THSD4: variants seen among roughly 807,000 people sequenced by gnomAD.
THSD4 encodes the protein thrombospondin type 1 domain containing 4.
Under a neutral mutation model 119.0 loss-of-function variants are expected in THSD4, and 69 were observed. The ratio of observed to expected loss-of-function variants is 0.58; its 90% CI spans 0.48 to 0.71. The LOEUF is 0.71. Ranked by LOEUF, THSD4 falls within the 30% of genes least tolerant of loss-of-function variation. The pLI is 0.00. For synonymous variants in THSD4, 524 were observed against 540.4 expected (o/e 0.97, Z 0.42); for missense variants, 1,393 against 1,391.1 (o/e 1.00, Z -0.02).
chr15:71,677,027 A>G (rs1027102996), intron 8 of THSD4, among the ~76,000 whole-genome samples: 5 of 152,238 alleles, frequency 3.3e-5, no homozygotes, highest in African/African-American at 1.2e-4. Context: ...AAACTGCCAA[A>G]CTGCTGTCTA....
intron 7 of THSD4, among the ~76,000 whole-genome samples, chr15:71,543,490 G>A (rs905077553): frequency 1.6e-4 from 25 of 152,276 alleles, no homozygotes; most frequent in Admixed American, 4.6e-4. Flanking sequence ...ACCCAATGAT[G>A]GTTTGGATGA....
intron 3 of THSD4, among the ~76,000 whole-genome samples, chr15:71,212,047 G>C (rs1401722550): frequency 1.3e-5 from 2 of 152,216 alleles, no homozygotes; most frequent in Non-Finnish European, 2.9e-5. Flanking sequence ...GGGTTGTCAG[G>C]AGGATCAGGA....
Position 71,728,341 on chromosome 15 carries a change from G to A in THSD4, c.1358-208G>A, listed in dbSNP as rs80297710. On this transcript the variant is annotated intron_variant, in intron 8 of 17. Coordinates refer to ENST00000261862, the MANE Select transcript of THSD4 (RefSeq NM_024817.3). ...CTATACTAAGTCCAAGTGATAGAAG[G>A]GATTAGGGTGGGTTGAAGCAGTGAT... Among the ~76,000 whole-genome samples the A allele has an allele frequency of 4.2e-3, 637 of 152,246 alleles. 4 individuals carry two copies. Among genetic ancestry groups the A allele is most frequent in the African/African-American group, 0.014 (601 of 41,540 alleles).
chr15:71,286,465 A>G (rs939486917), intron 6 of THSD4, among the ~76,000 whole-genome samples: 4 of 152,186 alleles, frequency 2.6e-5, no homozygotes, highest in African/African-American at 4.8e-5. Context: ...AGCTCCATCC[A>G]TGTCCCTGCA....
chr15:71,207,577 T>C (rs1473488518), intron 3 of THSD4, among the ~76,000 whole-genome samples: 1 of 152,198 alleles, frequency 6.6e-6, no homozygotes, highest in Non-Finnish European at 1.5e-5. Context: ...GGACCAGTAC[T>C]GGGCCGCAGC....
intron 1 of THSD4, among the ~76,000 whole-genome samples, chr15:71,119,534 G>A (rs2040391311): frequency 6.6e-6 from 1 of 152,208 alleles, no homozygotes; most frequent in Admixed American, 6.5e-5. Flanking sequence ...CCAAGGCCAG[G>A]AAGAGGGTCC....
chr15:71,147,233 C>T (rs2040671357), intron 2 of THSD4, among the ~76,000 whole-genome samples: 1 of 152,176 alleles, frequency 6.6e-6, no homozygotes, highest in Admixed American at 6.5e-5. Context: ...GAGACAGGGT[C>T]TCTCTCTGTT....
intron 7 of THSD4, among the ~76,000 whole-genome samples, chr15:71,574,201 T>G (rs1248366581): frequency 1.3e-5 from 2 of 152,170 alleles, no homozygotes; most frequent in African/African-American, 2.4e-5. Context: ...TAGAGAGTAA[T>G]GCATCCCTTC....
At chr15:71,671,328 G>A (rs2051523703) in intron 8 of THSD4, among the ~76,000 whole-genome samples, 1 of 152,196 alleles carries the variant, frequency 6.6e-6, no homozygotes, top group Admixed American at 6.5e-5. Flanking sequence ...TTTTGATGGA[G>A]TTGTTTGATT....
chr15:71,263,574 C>A (rs1411042625), intron 6 of THSD4, among the ~76,000 whole-genome samples: 3 of 152,134 alleles, frequency 2.0e-5, no homozygotes, highest in Non-Finnish European at 2.9e-5. Context: ...GCCACAGTGT[C>A]TTCCACAATG....
In THSD4 at chr15:71,305,408, T is replaced by C. The variant is rs540516458; in HGVS notation, c.1015+48693T>C. 5.3e-5 allele frequency among the ~76,000 whole-genome samples: 8 copies of C among 152,026 alleles called. No homozygotes were observed. In the South Asian group the frequency reaches 1.3e-3, roughly 24 times the overall value. ...GTCTTCCCAAGATCACCCCCAGGAG[T>C]TGGCTCAGGACTGGAAAGCAGAGGG... is the stretch of plus-strand genomic sequence containing the variant. On this transcript the variant is annotated intron_variant, in intron 6 of 17. Transcript: ENST00000261862.
chr15:71,342,463 C>T (rs1033514522), intron 6 of THSD4: 1 of 152,580 alleles, frequency 6.6e-6, no homozygotes, highest in African/African-American at 2.4e-5. Flanking sequence ...GCATGGGAGT[C>T]CCTCCCTTCT....
rs141513724 is a variant in THSD4, at chr15:71,524,980, G to T, written c.1152+113157G>T. 1.8e-3 allele frequency among the ~76,000 whole-genome samples: 273 copies of T among 150,402 alleles called. 2 individuals are homozygous for T. Among genetic ancestry groups the T allele is most frequent in the African/African-American group, 6.1e-3 (251 of 40,858 alleles). ...CCTCCCTTGTCCATGCCTCAAAAGGGGCCAACCAAGATCAGCAGTTATGCA... is the reference window on the plus strand; with the variant it reads ...CCTCCCTTGTCCATGCCTCAAAAGGTGCCAACCAAGATCAGCAGTTATGCA... On this transcript the variant is annotated intron_variant, in intron 7 of 17. Coordinates refer to ENST00000261862, the MANE Select transcript of THSD4 (RefSeq NM_024817.3).
At chr15:71,501,255 C>T (rs374865992) in intron 7 of THSD4, among the ~76,000 whole-genome samples, 138 of 152,264 alleles carry the variant, frequency 9.1e-4, no homozygotes, top group Admixed American at 2.0e-3. Context: ...CACACATATT[C>T]GGCACTTTCA....
intron 7 of THSD4, among the ~76,000 whole-genome samples, chr15:71,608,347 C>T (rs73445723): frequency 0.22 from 33,036 of 151,290 alleles, 3,799 homozygotes; most frequent in Admixed American, 0.27. Context: ...TGTTAGCGTC[C>T]TGATGTACTT....
chr15:71,146,824 G>A (rs967463882), intron 2 of THSD4, among the ~76,000 whole-genome samples: 1 of 152,076 alleles, frequency 6.6e-6, no homozygotes, highest in East Asian at 1.9e-4. Context: ...GTAAAATGAC[G>A]GCAAGCATTC....
chr15:71,640,241 C>G lies in THSD4; in HGVS notation c.1153-20289C>G, dbSNP rs571747346. Among the ~76,000 whole-genome samples the G allele has an allele frequency of 3.3e-5, 5 of 150,542 alleles. No individual in the cohort carries two copies. In the South Asian group the frequency reaches 1.1e-3, roughly 32 times the overall value. ...GGGACTACAGGTACACACTGCTATGCTCAGCTAATTTTTTTTTTTTGTAGA... is the reference window on the plus strand; with the variant it reads ...GGGACTACAGGTACACACTGCTATGGTCAGCTAATTTTTTTTTTTTGTAGA... On this transcript the variant is annotated intron_variant, in intron 7 of 17. Coordinates refer to ENST00000261862, the MANE Select transcript of THSD4 (RefSeq NM_024817.3).
chr15:71,323,119 AG>A (rs1387351345), intron 6 of THSD4, among the ~76,000 whole-genome samples: 3 of 149,996 alleles, frequency 2.0e-5, no homozygotes, highest in African/African-American at 4.9e-5. Flanking sequence ...AAAAAAAAAA[AG>A]ATCGTAGTCT....
intron 8 of THSD4, among the ~76,000 whole-genome samples, chr15:71,689,341 C>T (rs1317458104): frequency 1.3e-5 from 2 of 152,116 alleles, no homozygotes; most frequent in Non-Finnish European, 1.5e-5. Flanking sequence ...CATGGAGCCT[C>T]AAGTCAGGCT....
Sources: allele counts gnomAD v4.1 joint callset (sites outside exome capture counted in the v4.1 genomes callset), GRCh38; gene constraint gnomAD v4.1.1; transcripts MANE v1.5; gene names NCBI Gene and HGNC (gene_info 2026-07-23, HGNC 2026-07-21).